Variants in CCDC85A observed in about 807,000 individuals in gnomAD.
CCDC85A encodes the protein coiled-coil domain containing 85A.
CCDC85A carries 38 observed loss-of-function variants against 50.2 expected under a neutral mutation model. The ratio of observed to expected loss-of-function variants is 0.76; its 90% CI spans 0.58 to 0.99. The LOEUF (loss-of-function observed/expected upper bound fraction) is 0.99. CCDC85A is among the 50% of genes least tolerant of loss of function. The pLI, the probability that CCDC85A is intolerant of heterozygous loss-of-function variation, is 0.00. For missense variants in CCDC85A, 820 were observed against 742.0 expected (o/e 1.11, Z -1.22); for synonymous variants, 366 against 301.4 (o/e 1.21, Z -2.22).
chr2:56,291,689 A>AAAT lies in CCDC85A; in HGVS notation c.1241-51188_1241-51187insTAA, dbSNP rs200310814. 8.5e-3 allele frequency among the ~76,000 whole-genome samples: 1,298 copies of AAAT among 152,130 alleles called. 28 individuals carry two copies. The highest frequency in any genetic ancestry group is 0.029 in the African/African-American group (1,220 of 41,486). On this transcript the variant is annotated intron_variant, in intron 2 of 5. Coordinates refer to ENST00000407595, the MANE Select transcript of CCDC85A (RefSeq NM_001080433.2). ...TGTAGACAAAGGGACACATAGCATGAAAGGTTGGAAATGTAGATAGAACAC... is the reference window on the plus strand; with the variant it reads ...TGTAGACAAAGGGACACATAGCATGAAATAAGGTTGGAAATGTAGATAGAACAC...
intron 2 of CCDC85A, among the ~76,000 whole-genome samples, chr2:56,305,123 T>C (rs2104204948): frequency 6.6e-6 from 1 of 151,408 alleles, no homozygotes; most frequent in Non-Finnish European, 1.5e-5. Flanking sequence ...AAATATAGGA[T>C]ATTATCCTCA....
rs1410512350 is a variant in CCDC85A, at chr2:56,185,041, C to T, written c.276+141C>T. ...CCGGTCGGCACCCCCTACCCCCAGT[C>T]CCCAGCCCCTGTGTAACTTTTCCAA... On this transcript the variant is annotated intron_variant, in intron 1 of 5. Coordinates refer to ENST00000407595, the MANE Select transcript of CCDC85A (RefSeq NM_001080433.2). 3 of 1,021,524 alleles carry T rather than the reference C, an allele frequency of 2.9e-6. No homozygotes were observed. In the African/African-American group the frequency reaches 5.2e-5, roughly 18 times the overall value. 63.3% of individuals were successfully genotyped at this position (1,021,524 alleles called of 1,614,324 possible).
chr2:56,296,639 T>C (rs1671962393), intron 2 of CCDC85A, among the ~76,000 whole-genome samples: 2 of 152,158 alleles, frequency 1.3e-5, no homozygotes, highest in African/African-American at 4.8e-5. Flanking sequence ...CTGGCCTGTT[T>C]TACAAAAGAG....
At position 56,324,167 on chromosome 2, in the gene CCDC85A, G is replaced by C. The variant is rs150059385; in HGVS notation, c.1241-18712G>C. On this transcript the variant is annotated intron_variant, in intron 2 of 5. Transcript: ENST00000407595. ...ATGTTGATTTAAGAAGCCTTTCTCA[G>C]TAAATCTGCTAAGCCAGTAGCCTCA... 8.5e-5 allele frequency among the ~76,000 whole-genome samples: 13 copies of C among 152,188 alleles called. No homozygotes were observed. In the East Asian group the frequency reaches 2.5e-3, roughly 29 times the overall value.
chr2:56,381,158 T>C (rs970589003), intron 5 of CCDC85A, among the ~76,000 whole-genome samples: 4 of 152,114 alleles, frequency 2.6e-5, no homozygotes, highest in African/African-American at 9.6e-5. Flanking sequence ...TTTGTTTTTC[T>C]TTCCTGCATA....
chr2:56,336,403 C>T (rs2104305883), intron 2 of CCDC85A, among the ~76,000 whole-genome samples: 1 of 152,284 alleles, frequency 6.6e-6, no homozygotes, highest in East Asian at 1.9e-4. Context: ...ATCTGCCTGC[C>T]TTGGCCTCCC....
intron 2 of CCDC85A, among the ~76,000 whole-genome samples, chr2:56,308,384 G>C (rs1207738031): frequency 6.6e-6 from 1 of 152,110 alleles, no homozygotes; most frequent in Non-Finnish European, 1.5e-5. Context: ...GTGTACATTT[G>C]AGGGAGTGGG....
At chr2:56,298,355 A>T (rs1290805648) in intron 2 of CCDC85A, among the ~76,000 whole-genome samples, 1 of 152,166 alleles carries the variant, frequency 6.6e-6, no homozygotes, top group Non-Finnish European at 1.5e-5. Flanking sequence ...ATGGAATTTC[A>T]TATTGGAAAG....
At chr2:56,287,078 T>C (rs1671478477) in intron 2 of CCDC85A, among the ~76,000 whole-genome samples, 1 of 152,218 alleles carries the variant, frequency 6.6e-6, no homozygotes, top group Non-Finnish European at 1.5e-5. Flanking sequence ...AGGGCTCCAA[T>C]GTCTCTCAGC....
chr2:56,358,974 T>C (rs1246420797), intron 3 of CCDC85A, among the ~76,000 whole-genome samples: 1 of 151,334 alleles, frequency 6.6e-6, no homozygotes, highest in Non-Finnish European at 1.5e-5. Flanking sequence ...TTTTTTTTTT[T>C]TTTTTTTTTA....
chr2:56,366,230 A>G (rs576733945), intron 3 of CCDC85A, among the ~76,000 whole-genome samples: 1 of 152,282 alleles, frequency 6.6e-6, no homozygotes, highest in East Asian at 1.9e-4. Context: ...GAGTGCAGAT[A>G]TCTCTTTGAC....
At chr2:56,348,763 C>T (rs1374315347) in intron 3 of CCDC85A, among the ~76,000 whole-genome samples, 1 of 152,182 alleles carries the variant, frequency 6.6e-6, no homozygotes, top group Non-Finnish European at 1.5e-5. Flanking sequence ...AGCATGGGGG[C>T]AGAGAAGGGA....
At chr2:56,244,259 A>C (rs2103973320) in intron 2 of CCDC85A, among the ~76,000 whole-genome samples, 1 of 152,172 alleles carries the variant, frequency 6.6e-6, no homozygotes, top group African/African-American at 2.4e-5. Flanking sequence ...TTCTGCAGCT[A>C]AACTGGCCCT....
At chr2:56,381,459 A>G (rs989606735) in intron 5 of CCDC85A, among the ~76,000 whole-genome samples, 4 of 152,094 alleles carry the variant, frequency 2.6e-5, no homozygotes, top group African/African-American at 9.7e-5. Flanking sequence ...CCTCCTTCAT[A>G]ATTCGGATCT....
intron 2 of CCDC85A, among the ~76,000 whole-genome samples, chr2:56,204,432 A>G (rs1322547475): frequency 6.6e-6 from 1 of 152,168 alleles, no homozygotes; most frequent in Non-Finnish European, 1.5e-5. Flanking sequence ...GTCTGATTTC[A>G]CACAGGTTTG....
At chr2:56,241,936 A>C (rs1669275252) in intron 2 of CCDC85A, among the ~76,000 whole-genome samples, 2 of 152,196 alleles carry the variant, frequency 1.3e-5, no homozygotes, top group South Asian at 4.1e-4. Flanking sequence ...ACTAATTTAC[A>C]TTCCCACCAA....
intron 2 of CCDC85A, among the ~76,000 whole-genome samples, chr2:56,237,458 A>G (rs1669069507): frequency 6.6e-6 from 1 of 152,232 alleles, no homozygotes; most frequent in African/African-American, 2.4e-5. Context: ...AGAAGAAAAA[A>G]AATTTGTTAA....
At chr2:56,299,211 A>G (rs1185317262) in intron 2 of CCDC85A, among the ~76,000 whole-genome samples, 2 of 152,158 alleles carry the variant, frequency 1.3e-5, no homozygotes, top group African/African-American at 4.8e-5. Context: ...CTTAGAGAAT[A>G]TTGCCTGCCA....
At chr2:56,286,352 C>G (rs990979461) in intron 2 of CCDC85A, among the ~76,000 whole-genome samples, 5 of 152,062 alleles carry the variant, frequency 3.3e-5, no homozygotes, top group Admixed American at 3.3e-4. Context: ...AACAATTGCA[C>G]GTTAGACCAC....
Sources: gnomAD v4.1 joint callset for allele counts (sites outside exome capture counted in the v4.1 genomes callset) on GRCh38, gnomAD v4.1.1 for gene constraint, MANE v1.5 for transcripts, NCBI Gene and HGNC (gene_info 2026-07-23, HGNC 2026-07-21) for gene names.